Variants in GPATCH2 observed in about 807,000 individuals in gnomAD.
GPATCH2 encodes G-patch domain containing 2.
In GPATCH2, 51 loss-of-function variants were observed where a neutral mutation model predicts 58.0. That is an observed-to-expected ratio of 0.88 (90% CI 0.70 to 1.11). GPATCH2 has a LOEUF of 1.11. Among genes scored for constraint, GPATCH2 ranks in the 50% most tolerant of loss-of-function variants. GPATCH2 has a pLI of 0.00. For synonymous variants in GPATCH2, 222 were observed against 218.5 expected (o/e 1.02, Z -0.14); for missense variants, 625 against 652.2 (o/e 0.96, Z 0.45).
intron 8 of GPATCH2, among the ~76,000 whole-genome samples, chr1:217,454,877 G>A (rs572835884): frequency 1.1e-4 from 17 of 151,884 alleles, no homozygotes; most frequent in Non-Finnish European, 2.4e-4. Flanking sequence ...CAAGCGATCC[G>A]CCCACCTCTG....
intron 5 of GPATCH2, among the ~76,000 whole-genome samples, chr1:217,584,162 G>A (rs1667208947): frequency 6.6e-6 from 1 of 151,312 alleles, no homozygotes; most frequent in Non-Finnish European, 1.5e-5. Flanking sequence ...TAAAAGACTG[G>A]AAATCAAGAC....
At chr1:217,571,314 T>C (rs150296589) in intron 5 of GPATCH2, among the ~76,000 whole-genome samples, 1 of 152,314 alleles carries the variant, frequency 6.6e-6, no homozygotes, top group African/African-American at 2.4e-5. Context: ...AATTGAGTTT[T>C]AGTTGTAAAC....
Position 217,430,766 on chromosome 1 carries a change from A to C in GPATCH2, c.*379T>G. ...TATAAAACACAATCTTTTCCTGTCT[A>C]TTCCATTTTAGAAACTGGTGGGTGT... On this transcript the variant is annotated 3_prime_UTR_variant, in exon 10 of 10. Transcript: ENST00000366935. The C allele has an allele frequency of 4.6e-6, 1 of 215,144 alleles. No individual in the cohort carries two copies. The allele number at this position is 215,144 out of a possible 1,614,324, so 13.3% of individuals were successfully genotyped here.
intron 5 of GPATCH2, among the ~76,000 whole-genome samples, chr1:217,536,009 T>A (rs543935329): frequency 3.3e-5 from 5 of 152,346 alleles, no homozygotes; most frequent in African/African-American, 1.2e-4. Flanking sequence ...AATAAATTCA[T>A]TAGAATCTCT....
chr1:217,528,437 A>G (rs1664026803), intron 5 of GPATCH2, among the ~76,000 whole-genome samples: 1 of 152,206 alleles, frequency 6.6e-6, no homozygotes, highest in African/African-American at 2.4e-5. Flanking sequence ...CAGCAGGATG[A>G]GGCAAATCCT....
chr1:217,603,280 T>C (rs1253594996), intron 5 of GPATCH2, among the ~76,000 whole-genome samples: 1 of 152,138 alleles, frequency 6.6e-6, no homozygotes, highest in Non-Finnish European at 1.5e-5. Context: ...TGGAAAAATA[T>C]GTTGTCAATT....
chr1:217,574,840 A>G (rs1666733512), intron 5 of GPATCH2, among the ~76,000 whole-genome samples: 1 of 152,220 alleles, frequency 6.6e-6, no homozygotes, highest in Non-Finnish European at 1.5e-5. Flanking sequence ...AAGCTTATCT[A>G]GCAAACTATA....
In GPATCH2 at chr1:217,501,424, T is replaced by C. The variant is rs967576349; in HGVS notation, c.1167-3029A>G. 3.7e-4 allele frequency among the ~76,000 whole-genome samples: 57 copies of C among 152,144 alleles called. 1 individual carries two copies. Among genetic ancestry groups the C allele is most frequent in the Non-Finnish European group, 1.2e-4 (8 of 68,002 alleles). ...GTTAACCTTAGTGTAGAGGTTTTTCTATGAACAGTGTTTTTACTTCGGTGG... is the reference window on the plus strand; with the variant it reads ...GTTAACCTTAGTGTAGAGGTTTTTCCATGAACAGTGTTTTTACTTCGGTGG... On this transcript the variant is annotated intron_variant, in intron 6 of 9. Transcript: ENST00000366935.
chr1:217,584,193 G>T (rs1571962481), intron 5 of GPATCH2, among the ~76,000 whole-genome samples: 1 of 151,494 alleles, frequency 6.6e-6, no homozygotes, highest in African/African-American at 2.4e-5. Flanking sequence ...GTTCAAAGAG[G>T]TGTGGTCAAA....
At chr1:217,439,679 G>A (rs889715752) in intron 9 of GPATCH2, among the ~76,000 whole-genome samples, 4 of 151,946 alleles carry the variant, frequency 2.6e-5, no homozygotes, top group Non-Finnish European at 5.9e-5. Context: ...ATGATAAAGG[G>A]GATATCACCA....
chr1:217,574,313 A>G (rs558095943), intron 5 of GPATCH2, among the ~76,000 whole-genome samples: 2 of 152,138 alleles, frequency 1.3e-5, no homozygotes, highest in South Asian at 4.1e-4. Flanking sequence ...CCGAGCCCCA[A>G]AGCTGCCGTG....
chr1:217,564,920 C>T (rs1476955326), intron 5 of GPATCH2, among the ~76,000 whole-genome samples: 1 of 152,098 alleles, frequency 6.6e-6, no homozygotes, highest in Non-Finnish European at 1.5e-5. Context: ...ATTTCCTTTA[C>T]AAATATTACA....
intron 8 of GPATCH2, among the ~76,000 whole-genome samples, chr1:217,461,516 G>C (rs754512447): frequency 2.0e-5 from 3 of 152,144 alleles, no homozygotes; most frequent in Non-Finnish European, 4.4e-5. Context: ...TACATGCCTT[G>C]CCATATCAGG....
At chr1:217,570,899 A>G (rs1357841930) in intron 5 of GPATCH2, among the ~76,000 whole-genome samples, 2 of 152,228 alleles carry the variant, frequency 1.3e-5, no homozygotes, top group African/African-American at 4.8e-5. Context: ...CAACAGTGAA[A>G]GTAAACTATG....
intron 5 of GPATCH2, among the ~76,000 whole-genome samples, chr1:217,524,524 T>G (rs144106889): frequency 6.6e-6 from 1 of 151,676 alleles, no homozygotes; most frequent in Non-Finnish European, 1.5e-5. Flanking sequence ...GGGAGGTGGA[T>G]GTTGTAGCGA....
intron 6 of GPATCH2, among the ~76,000 whole-genome samples, chr1:217,500,798 T>C (rs1662259446): frequency 6.6e-6 from 1 of 152,098 alleles, no homozygotes; most frequent in Admixed American, 6.6e-5. Context: ...TCAGATCTCC[T>C]GAGCTGATCT....
chr1:217,545,730 G>A (rs1422340281), intron 5 of GPATCH2, among the ~76,000 whole-genome samples: 4 of 152,110 alleles, frequency 2.6e-5, no homozygotes, highest in Non-Finnish European at 4.4e-5. Context: ...AGGTCAAACT[G>A]GGATGATGAG....
intron 6 of GPATCH2, among the ~76,000 whole-genome samples, chr1:217,507,127 T>C (rs1662601775): frequency 6.6e-6 from 1 of 152,204 alleles, no homozygotes; most frequent in African/African-American, 2.4e-5. Context: ...CCCTCATAAA[T>C]ATCTTCTGAA....
At chr1:217,595,221 A>G (rs1667768463) in intron 5 of GPATCH2, among the ~76,000 whole-genome samples, 1 of 152,194 alleles carries the variant, frequency 6.6e-6, no homozygotes, top group South Asian at 2.1e-4. Flanking sequence ...TAAATTATTT[A>G]TTTCAATATC....
Sources: gnomAD v4.1 joint callset for allele counts (sites outside exome capture counted in the v4.1 genomes callset) on GRCh38, gnomAD v4.1.1 for gene constraint, MANE v1.5 for transcripts, NCBI Gene and HGNC (gene_info 2026-07-23, HGNC 2026-07-21) for gene names.